The following NFIA variants were observed in gnomAD, a reference collection of about 807,000 sequenced individuals.
NFIA encodes the protein nuclear factor I A, also known as nuclear factor 1 A-type.
Under a neutral mutation model 62.8 loss-of-function variants are expected in NFIA, and 8 were observed. The ratio of observed to expected loss-of-function variants is 0.13; its 90% confidence interval spans 0.07 to 0.23. NFIA has a LOEUF of 0.23. Among genes scored for constraint, NFIA ranks in the 10% least tolerant of loss-of-function variants. The pLI is 1.00. For synonymous variants in NFIA, 235 were observed against 238.1 expected, an observed-to-expected ratio of 0.99 and a Z score of 0.12; for missense variants, 410 against 642.1, an observed-to-expected ratio of 0.64 and a Z score of 3.91.
At chr1:61,145,174 T>A (rs1647836347) in intron 2 of NFIA, among the ~76,000 whole-genome samples, 1 of 152,192 alleles carries the variant, frequency 6.6e-6, no homozygotes, top group African/African-American at 2.4e-5. Flanking sequence ...ATTTCAGCAC[T>A]AAGCCAAGGA....
Position 61,233,463 on chromosome 1 carries a change from A to G in NFIA, c.560-44057A>G, listed in dbSNP as rs140070151. 3.1e-3 allele frequency among the ~76,000 whole-genome samples: 479 copies of G among 152,296 alleles called. 4 individuals carry two copies. Among genetic ancestry groups the G allele is most frequent in the African/African-American group, 0.011 (463 of 41,562 alleles). ...CTATTTAAAAAGGCCTGTGGTAGCA[A>G]CATGCTGCAGGTATTTGAGGAGCCC... On this transcript the variant is annotated intron_variant, in intron 2 of 10. Coordinates refer to ENST00000403491, the MANE Select transcript of NFIA (RefSeq NM_001134673.4).
intron 3 of NFIA, among the ~76,000 whole-genome samples, chr1:61,311,188 T>C (rs1660091895): frequency 6.6e-6 from 1 of 152,136 alleles, no homozygotes; most frequent in Non-Finnish European, 1.5e-5. Context: ...GGTCGGAAGT[T>C]CGAGACCAGC....
chr1:61,410,160 G>C (rs992416173), intron 9 of NFIA, among the ~76,000 whole-genome samples: 1 of 152,092 alleles, frequency 6.6e-6, no homozygotes, highest in African/African-American at 2.4e-5. Flanking sequence ...GTGTGTATAG[G>C]TGCCATGTGA....
At chr1:61,167,510 T>C (rs1165786830) in intron 2 of NFIA, among the ~76,000 whole-genome samples, 3 of 152,220 alleles carry the variant, frequency 2.0e-5, no homozygotes, top group Non-Finnish European at 4.4e-5. Flanking sequence ...ACTTTTATGC[T>C]ATGCCTTTTT....
At chr1:61,209,691 A>G (rs1653122823) in intron 2 of NFIA, among the ~76,000 whole-genome samples, 1 of 151,626 alleles carries the variant, frequency 6.6e-6, no homozygotes, top group Non-Finnish European at 1.5e-5. Flanking sequence ...CAACAACAAC[A>G]ACAACAACAA....
chr1:61,160,671 C>T (rs1649131469), intron 2 of NFIA, among the ~76,000 whole-genome samples: 1 of 152,210 alleles, frequency 6.6e-6, no homozygotes, highest in Non-Finnish European at 1.5e-5. Flanking sequence ...ACTGGTCTAG[C>T]TTATCCAGTT....
chr1:61,089,324 T>G (rs559402193), intron 2 of NFIA, among the ~76,000 whole-genome samples: 1 of 152,338 alleles, frequency 6.6e-6, no homozygotes, highest in Admixed American at 6.5e-5. Flanking sequence ...CATGAACACA[T>G]TGAAAAATTG....
At chr1:61,093,242 CTT>C (rs1187938662) in intron 2 of NFIA, among the ~76,000 whole-genome samples, 1 of 152,044 alleles carries the variant, frequency 6.6e-6, no homozygotes, top group African/African-American at 2.4e-5. Flanking sequence ...TTTTCAGTAA[CTT>C]AATAAACACC....
At chr1:61,119,680 G>A (rs1296941188) in intron 2 of NFIA, among the ~76,000 whole-genome samples, 2 of 152,070 alleles carry the variant, frequency 1.3e-5, no homozygotes, top group African/African-American at 4.8e-5. Context: ...TTGAAGGTTT[G>A]AGTTACTTAT....
intron 7 of NFIA, among the ~76,000 whole-genome samples, chr1:61,386,470 C>T (rs1465102020): frequency 6.6e-6 from 1 of 152,184 alleles, no homozygotes; most frequent in African/African-American, 2.4e-5. Context: ...CTGGTTAGCA[C>T]TAGGTTGTGA....
intron 7 of NFIA, among the ~76,000 whole-genome samples, chr1:61,393,939 C>T (rs188293128): frequency 7.0e-4 from 107 of 152,320 alleles, no homozygotes; most frequent in Non-Finnish European, 1.1e-3. Context: ...TCTTGATTCT[C>T]AATTAGCTGG....
At chr1:61,235,930 GAC>G (rs1654986925) in intron 2 of NFIA, among the ~76,000 whole-genome samples, 1 of 152,108 alleles carries the variant, frequency 6.6e-6, no homozygotes, top group Admixed American at 6.5e-5. Flanking sequence ...CTATTATAGA[GAC>G]ACATAGTTGT....
intron 2 of NFIA, among the ~76,000 whole-genome samples, chr1:61,157,446 A>G (rs1264072378): frequency 1.3e-5 from 2 of 152,242 alleles, no homozygotes; most frequent in Non-Finnish European, 2.9e-5. Flanking sequence ...TTATTATCAA[A>G]TTAAGTAATG....
At chr1:61,208,166 A>G (rs1025788735) in intron 2 of NFIA, among the ~76,000 whole-genome samples, 5 of 152,066 alleles carry the variant, frequency 3.3e-5, no homozygotes, top group Non-Finnish European at 5.9e-5. Flanking sequence ...CGTTCCCTAT[A>G]ACTAGATCAT....
chr1:61,305,818 G>A (rs532012179), intron 3 of NFIA, among the ~76,000 whole-genome samples: 2 of 149,538 alleles, frequency 1.3e-5, no homozygotes, highest in Admixed American at 6.7e-5. Context: ...TTGCTTTCCT[G>A]TTAGCAAGAC....
intron 2 of NFIA, among the ~76,000 whole-genome samples, chr1:61,108,251 A>G (rs1322910004): frequency 1.3e-5 from 2 of 151,646 alleles, no homozygotes; most frequent in Non-Finnish European, 3.0e-5. Flanking sequence ...TAACTATCAA[A>G]TATTATTATC....
chr1:61,191,838 T>C (rs1570350534), intron 2 of NFIA, among the ~76,000 whole-genome samples: 1 of 110,970 alleles, frequency 9.0e-6, no homozygotes, highest in African/African-American at 3.6e-5. Flanking sequence ...TAAGTAACTC[T>C]TAACAGTCTT....
At chr1:61,157,311 T>G (rs983520435) in intron 2 of NFIA, among the ~76,000 whole-genome samples, 2 of 152,330 alleles carry the variant, frequency 1.3e-5, no homozygotes, top group East Asian at 1.9e-4. Context: ...GCTCCCTCTT[T>G]CCTTCCCTCC....
At chr1:61,160,948 T>C (rs1649155022) in intron 2 of NFIA, among the ~76,000 whole-genome samples, 1 of 152,204 alleles carries the variant, frequency 6.6e-6, no homozygotes, top group Non-Finnish European at 1.5e-5. Flanking sequence ...AGAGCCTCAC[T>C]CTGTTGTCCA....
Sources: allele counts gnomAD v4.1 joint callset (sites outside exome capture counted in the v4.1 genomes callset), GRCh38; gene constraint gnomAD v4.1.1; transcripts MANE v1.5; gene names NCBI Gene and HGNC (gene_info 2026-07-23, HGNC 2026-07-21).